Variants in FGD6 observed in about 807,000 individuals in gnomAD.
FGD6 encodes FYVE, RhoGEF and PH domain containing 6, also known as FYVE, RhoGEF and PH domain-containing protein 6.
A neutral mutation model predicts 149.4 loss-of-function variants in FGD6; 90 were observed. The ratio of observed to expected loss-of-function variants is 0.60; its 90% CI spans 0.51 to 0.72. The LOEUF (loss-of-function observed/expected upper bound fraction) is 0.72. Among genes scored for constraint, FGD6 ranks in the 30% least tolerant of loss-of-function variants. The probability of loss-of-function intolerance (pLI) is 0.00; values close to 1 mark genes in which losing one functional copy is unlikely to be tolerated. For synonymous variants in FGD6, 527 were observed against 584.0 expected (o/e 0.90, Z 1.41); for missense variants, 1,437 against 1,684.8 (o/e 0.85, Z 2.57).
chr12:95,217,082 A>T, intron 1 of FGD6, 143 bp downstream of exon 1: 2 of 1,310,678 alleles, frequency 1.5e-6, no homozygotes, highest in Non-Finnish European at 2.1e-6. Context: ...AGCGAATCCC[A>T]TTAGCTCCGC....
intron 3 of FGD6, among the ~76,000 whole-genome samples, chr12:95,172,134 G>A (rs1052777006): frequency 1.3e-5 from 2 of 152,102 alleles, no homozygotes; most frequent in African/African-American, 2.4e-5. Context: ...CCAGCACTTT[G>A]GGAGGCTGAG....
Position 95,081,443 on chromosome 12 carries a change from A to G in FGD6, c.*77T>C, listed in dbSNP as rs925482372. On this transcript the variant is annotated 3_prime_UTR_variant, in exon 21 of 21. Coordinates refer to ENST00000343958, the MANE Select transcript of FGD6 (RefSeq NM_018351.4). ...ATCTTGGCAGTGTTCATTTTTATAC[A>G]ATTTTTGAATTGCATTTACTCCATT... 3 of 1,297,492 alleles carry G rather than the reference A, an allele frequency of 2.3e-6. No individual in the cohort carries two copies. The highest frequency in any genetic ancestry group is 2.1e-5 in the Admixed American group (1 of 47,760). 80.4% of individuals were successfully genotyped at this position (1,297,492 alleles called of 1,614,324 possible).
intron 20 of FGD6, among the ~76,000 whole-genome samples, chr12:95,083,036 C>CAA: frequency 1.2e-5 from 1 of 82,280 alleles, no homozygotes; most frequent in East Asian, 3.4e-4. Flanking sequence ...TATATACACA[C>CAA]ACATACACAC....
chr12:95,083,040 TACAC>T lies in FGD6; in HGVS notation c.4256+1454_4256+1457del, dbSNP rs60971253. 6.4e-4 allele frequency among the ~76,000 whole-genome samples: 48 copies of T among 74,744 alleles called. 1 individual carries two copies. The South Asian group carries it at 0.015, about 24-fold the overall frequency. The allele number at this position is 74,744 out of a possible 152,430, so 49.0% of individuals were successfully genotyped here. ...ATATATATATATATATACACACACA[TACAC>T]ACACACACACACACACACAGAAGAG... On this transcript the variant is annotated intron_variant, in intron 20 of 20. Coordinates refer to ENST00000343958, the MANE Select transcript of FGD6 (RefSeq NM_018351.4).
chr12:95,113,556 T>C, intron 9 of FGD6, 95 bp downstream of exon 9: 1 of 1,002,072 alleles, frequency 1.0e-6, no homozygotes, highest in Non-Finnish European at 1.5e-6. Context: ...ATGAAGAGAG[T>C]TTGTAATGGA....
intron 8 of FGD6, among the ~76,000 whole-genome samples, chr12:95,115,389 C>T (rs1878975341): frequency 6.9e-6 from 1 of 144,390 alleles, no homozygotes; most frequent in South Asian, 2.2e-4. Context: ...TGGTGTGTGC[C>T]TCCATGTCTG....
At position 95,107,569 on chromosome 12, in the gene FGD6, A is replaced by G; in HGVS notation, c.3327T>C (p.Phe1109=). The G allele has an allele frequency of 1.9e-6, 3 of 1,614,128 alleles. No individual in the cohort carries two copies. The highest frequency in any genetic ancestry group is 2.5e-6 in the Non-Finnish European group (3 of 1,180,036). The change falls in exon 12 of 21, where the codon TTT becomes TTC. Residue 1109 remains phenylalanine (F), a synonymous_variant. Coordinates refer to ENST00000343958, the MANE Select transcript of FGD6 (RefSeq NM_018351.4). ...ACTACACAAGTCCTCTTACCAGGAA[A>G]AACATTCGAGGTTGCATCACTTTCC... ...LSRKVMQPRM[F]FLFNDALLYT... is the part of the protein sequence containing the mutation.
intron 3 of FGD6, among the ~76,000 whole-genome samples, chr12:95,163,770 C>A (rs1880714425): frequency 6.6e-6 from 1 of 152,070 alleles, no homozygotes; most frequent in Admixed American, 6.6e-5. Context: ...ATTCCATTGT[C>A]CATTTTACCT....
chr12:95,091,522 CCAAA>C (rs1372561977), intron 17 of FGD6, among the ~76,000 whole-genome samples, 181 bp downstream of exon 17: 1 of 152,110 alleles, frequency 6.6e-6, no homozygotes, highest in Non-Finnish European at 1.5e-5. Flanking sequence ...CAGACTGAAA[CCAAA>C]TTTCAGCCCA....
intron 1 of FGD6, among the ~76,000 whole-genome samples, chr12:95,214,869 T>C (rs1031533909): frequency 9.4e-5 from 14 of 149,334 alleles, no homozygotes; most frequent in African/African-American, 2.7e-4. Flanking sequence ...TTCTTTTTTT[T>C]TTTTTTTTTT....
intron 9 of FGD6, among the ~76,000 whole-genome samples, chr12:95,112,122 T>C (rs1299313208): frequency 2.0e-5 from 3 of 151,758 alleles, no homozygotes; most frequent in Non-Finnish European, 4.4e-5. Flanking sequence ...TAATCCCAAC[T>C]ACTTGGAGGG....
intron 17 of FGD6, among the ~76,000 whole-genome samples, chr12:95,091,435 T>TA (rs1203519012): frequency 1.3e-5 from 2 of 152,248 alleles, no homozygotes; most frequent in Non-Finnish European, 2.9e-5. Context: ...ACTTGAAAGT[T>TA]AAAGTTCCCT....
chr12:95,167,017 T>C (rs537983649), intron 3 of FGD6, among the ~76,000 whole-genome samples: 2 of 151,916 alleles, frequency 1.3e-5, no homozygotes, highest in South Asian at 4.2e-4. Flanking sequence ...CCACCACACC[T>C]GGCTAATTTA....
chr12:95,121,467 ATATATATATATATG>A (rs1440101202), intron 8 of FGD6, among the ~76,000 whole-genome samples: 1 of 60,402 alleles, frequency 1.7e-5, no homozygotes, highest in Non-Finnish European at 2.8e-5. Context: ...AAAAAAAGAT[ATATATATATATATG>A]TATATATATA....
chr12:95,152,926 A>G lies in FGD6; in HGVS notation c.2654T>C (p.Val885Ala), dbSNP rs1325263293. Residue 885 changes from valine (V) to alanine (A), a missense_variant and splice_region_variant, in exon 4 of 21, where the codon GTG (valine) becomes GCG (alanine). Physicochemically the swap from Val to Ala is moderately conservative, Grantham distance 64. Transcript: ENST00000343958. ...TCTGAATTGTAAACTAGATACCTAC[A>G]CTTTCTCTGAGCTCATGATCTCCTT... The part of the protein sequence containing the change: ...IAKEIMSSEK[V>A]FVDVLKLLHI... The G allele has an allele frequency of 6.2e-7, 1 of 1,613,864 alleles. No individual in the cohort carries two copies. Among genetic ancestry groups the G allele is most frequent in the Non-Finnish European group, 8.5e-7 (1 of 1,179,926 alleles).
chr12:95,134,504 T>C (rs751752579), intron 8 of FGD6, among the ~76,000 whole-genome samples: 7 of 152,056 alleles, frequency 4.6e-5, no homozygotes, highest in Non-Finnish European at 8.8e-5. Context: ...AGCAGCTACA[T>C]GTATGAATGC....
At chr12:95,122,589 T>G (rs937357149) in intron 8 of FGD6, among the ~76,000 whole-genome samples, 1 of 130,060 alleles carries the variant, frequency 7.7e-6, no homozygotes, top group Non-Finnish European at 1.5e-5. Context: ...GAGGTTGCAG[T>G]GAGCTGAGAT....
chr12:95,148,106 G>A (rs922820274), intron 5 of FGD6, among the ~76,000 whole-genome samples: 1 of 151,968 alleles, frequency 6.6e-6, no homozygotes, highest in Non-Finnish European at 1.5e-5. Context: ...CCAGAGTGAA[G>A]GTTTGGTAGC....
intron 3 of FGD6, among the ~76,000 whole-genome samples, chr12:95,163,335 T>G (rs1454568364): frequency 6.6e-6 from 1 of 152,194 alleles, no homozygotes; most frequent in East Asian, 1.9e-4. Flanking sequence ...CCAAACGTCC[T>G]TTAAGACAAC....
Sources: allele counts gnomAD v4.1 joint callset (sites outside exome capture counted in the v4.1 genomes callset), GRCh38; gene constraint gnomAD v4.1.1; transcripts MANE v1.5; gene names NCBI Gene and HGNC (gene_info 2026-07-23, HGNC 2026-07-21).